TNPO1: variants seen among roughly 807,000 people sequenced by gnomAD.
TNPO1 encodes transportin 1.
In TNPO1, 8 loss-of-function variants were observed where a neutral mutation model predicts 119.5. The ratio of observed to expected loss-of-function variants is 0.07; its 90% CI spans 0.04 to 0.12. The LOEUF (loss-of-function observed/expected upper bound fraction) is 0.12. Ranked by LOEUF, TNPO1 falls within the 10% of genes least tolerant of loss-of-function variation. The pLI, the probability that TNPO1 is intolerant of heterozygous loss-of-function variation, is 1.00. For synonymous variants in TNPO1, 362 were observed against 363.0 expected (o/e 1.00, Z 0.03); for missense variants, 576 against 1,089.8 (o/e 0.53, Z 6.64).
At chr5:72,830,617 A>G (rs997213929) in intron 1 of TNPO1, among the ~76,000 whole-genome samples, 1 of 152,158 alleles carries the variant, frequency 6.6e-6, no homozygotes, top group Non-Finnish European at 1.5e-5. Flanking sequence ...CTTCTGGAAG[A>G]TGCACAGTAT....
At chr5:72,855,044 G>A (rs1745876821) in intron 3 of TNPO1, among the ~76,000 whole-genome samples, 1 of 152,000 alleles carries the variant, frequency 6.6e-6, no homozygotes, top group African/African-American at 2.4e-5. Context: ...GGGCTGGAGT[G>A]TAGTGGCATG....
At chr5:72,898,628 A>G (rs895150673) in intron 20 of TNPO1, among the ~76,000 whole-genome samples, 5 of 152,142 alleles carry the variant, frequency 3.3e-5, no homozygotes, top group Non-Finnish European at 4.4e-5. Context: ...AATATTTCAT[A>G]AAGCCAATTC....
intron 1 of TNPO1, among the ~76,000 whole-genome samples, chr5:72,835,104 A>G (rs968498488): frequency 1.3e-5 from 2 of 152,218 alleles, no homozygotes; most frequent in African/African-American, 2.4e-5. Context: ...AGCACACTCT[A>G]TGATGTTACA....
chr5:72,846,373 T>C (rs181236763), intron 1 of TNPO1, among the ~76,000 whole-genome samples: 6 of 143,506 alleles, frequency 4.2e-5, no homozygotes, highest in Middle Eastern at 3.7e-3. Flanking sequence ...ATTATGGCCA[T>C]GTCATATTAA....
At chr5:72,861,682 C>G (rs1292562930) in intron 4 of TNPO1, 126 bp from the exon 5 acceptor site, 1 of 658,614 alleles carries the variant, frequency 1.5e-6, no homozygotes, top group Non-Finnish European at 2.7e-6. Flanking sequence ...GGGATTACAG[C>G]ATGAGCCACC....
rs180756633 is a variant in TNPO1 at position 72,854,319 on chromosome 5, G to A, written c.206-1455G>A. On this transcript the variant is annotated intron_variant, in intron 3 of 24. Transcript: ENST00000337273. Reference sequence around the variant, plus strand: ...ATGACATACAAGGTTTTATAGTGCTGTGATGACCTGAATGAAGTTTGTGTG... The same window carrying A: ...ATGACATACAAGGTTTTATAGTGCTATGATGACCTGAATGAAGTTTGTGTG... 6.6e-5 allele frequency among the ~76,000 whole-genome samples: 10 copies of A among 152,300 alleles called. No individual in the cohort carries two copies. In the East Asian group the frequency reaches 1.7e-3, roughly 26 times the overall value.
intron 15 of TNPO1, 28 bp downstream of exon 15, chr5:72,891,924 G>A (rs1749088118): frequency 6.4e-7 from 1 of 1,558,886 alleles, no homozygotes; most frequent in African/African-American, 1.4e-5. Context: ...TATTTAATCT[G>A]TTGCCAAGAA....
At chr5:72,905,502 C>G (rs939837189) in intron 24 of TNPO1, 57 bp downstream of exon 24, 11 of 761,374 alleles carry the variant, frequency 1.4e-5, no homozygotes, top group Non-Finnish European at 2.2e-5. Flanking sequence ...TTAGGGCTGT[C>G]ATTTCAAACT....
At position 72,889,968 on chromosome 5, in the gene TNPO1, G is replaced by C. The variant is rs1192848316; in HGVS notation, c.1701+11G>C. 4.3e-6 allele frequency: 7 copies of C among 1,610,166 alleles called. No individual in the cohort carries two copies. The Middle Eastern group carries it at 5.0e-4, about 114-fold the overall frequency. ...CATTTAAACAAACCAGTAAGTATCT[G>C]TTAAGAACTATTAGGGAAAATAATG... On this transcript the variant is annotated intron_variant, in intron 14 of 24. Coordinates refer to ENST00000337273, the MANE Select transcript of TNPO1 (RefSeq NM_002270.4).
Position 72,896,488 on chromosome 5 carries a change from T to C in TNPO1, c.2174T>C (p.Leu725Pro). The C allele has an allele frequency of 6.2e-7, 1 of 1,612,196 alleles. No individual in the cohort carries two copies. The highest frequency in any genetic ancestry group is 1.7e-5 in the Admixed American group (1 of 59,966). Residue 725 changes from leucine to proline, a missense_variant, in exon 19 of 25, where the codon CTA becomes CCA. Leu to Pro is a moderately conservative substitution (Grantham distance 98, BLOSUM62 -3). This residue lies in a region of TNPO1 where 162 missense variants were observed against 294.1 expected (regional missense o/e 0.55). Coordinates refer to ENST00000337273, the MANE Select transcript of TNPO1 (RefSeq NM_002270.4). Reference sequence around the variant, plus strand: ...TTCATGCCAATATTGGGAACCAACCTAAATCCAGAATTCATTTCAGTCTGC... The same window carrying C: ...TTCATGCCAATATTGGGAACCAACCCAAATCCAGAATTCATTTCAGTCTGC... ...ADFMPILGTN[L>P]NPEFISVCNN...
At chr5:72,824,304 A>G (rs780195761) in intron 1 of TNPO1, among the ~76,000 whole-genome samples, 10 of 152,150 alleles carry the variant, frequency 6.6e-5, no homozygotes, top group Admixed American at 1.3e-4. Flanking sequence ...ACTTCACCAC[A>G]TTACCCCAAT....
chr5:72,819,550 T>A lies in TNPO1; in HGVS notation c.15+2798T>A, dbSNP rs1015439124. Among the ~76,000 whole-genome samples, 3 of 152,050 alleles carry A rather than the reference T, an allele frequency of 2.0e-5. No homozygotes were observed. In the South Asian group the frequency reaches 6.2e-4, roughly 32 times the overall value. ...GGATTTGTCCTGGAATTTTCTGGAGTAGATAGAATACATATAGGAATAGTG... is the reference window on the plus strand; with the variant it reads ...GGATTTGTCCTGGAATTTTCTGGAGAAGATAGAATACATATAGGAATAGTG... On this transcript the variant is annotated intron_variant, in intron 1 of 24. Coordinates refer to ENST00000337273, the MANE Select transcript of TNPO1 (RefSeq NM_002270.4).
chr5:72,891,991 A>G, intron 15 of TNPO1, 95 bp downstream of exon 15: 1 of 910,084 alleles, frequency 1.1e-6, no homozygotes, highest in Admixed American at 2.3e-5. Flanking sequence ...ATAAATTTAT[A>G]TTCTGAAGTA....
chr5:72,909,636 A>T lies in TNPO1; in HGVS notation c.*963A>T, dbSNP rs560638160. 1 of 152,688 alleles carries T rather than the reference A, an allele frequency of 6.5e-6. No homozygotes were observed. The highest frequency in any genetic ancestry group is 2.1e-4 in the South Asian group (1 of 4,830). 9.5% of individuals were successfully genotyped at this position (152,688 alleles called of 1,614,324 possible). On this transcript the variant is annotated 3_prime_UTR_variant, in exon 25 of 25. Transcript: ENST00000337273. ...CATAGAGTGAGATTGGTATTCATTT[A>T]CCTATGTTGCGCCAGTTTGTGTTGC...
intron 11 of TNPO1, among the ~76,000 whole-genome samples, chr5:72,885,659 A>G (rs1286176916): frequency 6.6e-6 from 1 of 151,360 alleles, no homozygotes; most frequent in African/African-American, 2.4e-5. Context: ...GTATGGCTCT[A>G]CCATGTGGTA....
intron 4 of TNPO1, among the ~76,000 whole-genome samples, chr5:72,858,358 T>C (rs1206747305): frequency 1.3e-5 from 2 of 152,198 alleles, no homozygotes; most frequent in Non-Finnish European, 2.9e-5. Context: ...AAGTCTGTAA[T>C]ATTAACTAGA....
chr5:72,869,599 G>A (rs568412905), intron 6 of TNPO1, among the ~76,000 whole-genome samples: 55 of 152,154 alleles, frequency 3.6e-4, no homozygotes, highest in African/African-American at 1.3e-3. Flanking sequence ...TTGAAGAAAG[G>A]CTAAAAATCA....
chr5:72,862,806 C>A (rs185884368), intron 5 of TNPO1, among the ~76,000 whole-genome samples: 9 of 152,138 alleles, frequency 5.9e-5, no homozygotes, highest in African/African-American at 2.2e-4. Flanking sequence ...CCACCACGCC[C>A]GCCTAATTTT....
chr5:72,861,221 A>T (rs1435523167), intron 4 of TNPO1, among the ~76,000 whole-genome samples: 1 of 151,706 alleles, frequency 6.6e-6, no homozygotes, highest in Non-Finnish European at 1.5e-5. Flanking sequence ...ATTAGAATTA[A>T]TTTTAATTGG....
Sources: gnomAD v4.1 joint callset for allele counts (sites outside exome capture counted in the v4.1 genomes callset) on GRCh38, gnomAD v4.1.1 for gene constraint, gnomAD v4.1.1 regional missense constraint, MANE v1.5 for transcripts, NCBI Gene and HGNC (gene_info 2026-07-23, HGNC 2026-07-21) for gene names.